Variants in XKR9 observed in about 807,000 individuals in gnomAD.
XKR9 encodes the protein XK-related protein 9.
XKR9 carries 32 observed loss-of-function variants against 32.0 expected under a neutral mutation model. The ratio of observed to expected loss-of-function variants is 1.00; its 90% CI spans 0.76 to 1.34. The LOEUF is 1.34. XKR9 is among the 40% of genes most tolerant of loss of function. The pLI is 0.00. For synonymous variants in XKR9, 168 were observed against 143.4 expected (o/e 1.17, Z -1.22); for missense variants, 546 against 429.7 (o/e 1.27, Z -2.39).
the XKR9 span, among the ~76,000 whole-genome samples, chr8:70,901,481 C>A: frequency 0.11 from 17,441 of 152,126 alleles, 1,189 homozygotes; most frequent in African/African-American, 0.19. Context: ...CTGTTCATAT[C>A]CTTCACCCAC....
intron 3 of XKR9, among the ~76,000 whole-genome samples, chr8:70,688,526 T>C (rs1819388783): frequency 6.6e-6 from 1 of 152,058 alleles, no homozygotes. Flanking sequence ...ATGCCATTCT[T>C]CTGCCTCAGC....
At chr8:71,017,370 T>A in the XKR9 span, among the ~76,000 whole-genome samples, 1 of 152,202 alleles carries the variant, frequency 6.6e-6, no homozygotes, top group Non-Finnish European at 1.5e-5. Flanking sequence ...GACGTTCTGC[T>A]TATTGTTTGA....
the XKR9 span, among the ~76,000 whole-genome samples, chr8:70,885,357 T>G: frequency 6.6e-6 from 1 of 152,200 alleles, no homozygotes; most frequent in Non-Finnish European, 1.5e-5. Flanking sequence ...TGATTATTAA[T>G]AAAACTACTA....
the XKR9 span, among the ~76,000 whole-genome samples, chr8:70,937,378 GC>G: frequency 6.6e-6 from 1 of 151,812 alleles, no homozygotes; most frequent in Admixed American, 6.6e-5. Context: ...ATTCATGTGG[GC>G]CCACCCAGAC....
chr8:70,773,275 A>G (rs1226855257), intron 2 of XKR9, among the ~76,000 whole-genome samples: 1 of 152,206 alleles, frequency 6.6e-6, no homozygotes, highest in Non-Finnish European at 1.5e-5. Flanking sequence ...ACAGATATGG[A>G]TATGCAGGGA....
intron 2 of XKR9, among the ~76,000 whole-genome samples, chr8:70,765,852 T>C (rs1807368318): frequency 6.6e-6 from 1 of 152,222 alleles, no homozygotes; most frequent in Admixed American, 6.5e-5. Flanking sequence ...GCACCATTTA[T>C]TAAATAGGGA....
chr8:70,925,556 A>G, the XKR9 span, among the ~76,000 whole-genome samples: 3 of 152,236 alleles, frequency 2.0e-5, no homozygotes, highest in Non-Finnish European at 4.4e-5. Context: ...TATTCTTGAT[A>G]TAATAAATTT....
At chr8:71,014,475 C>G in the XKR9 span, among the ~76,000 whole-genome samples, 1 of 152,140 alleles carries the variant, frequency 6.6e-6, no homozygotes, top group Admixed American at 6.5e-5. Flanking sequence ...CTGCATGAAT[C>G]TAATTTTTGG....
At position 70,681,234 on chromosome 8, in the gene XKR9, G is replaced by T; in HGVS notation, c.176G>T (p.Ser59Ile). ...GGAACACTTGTGGCTCAGTGTTTTA[G>T]TTATTCTTGGTTCAAGGCTGATTTA... Reference protein sequence around the residue: ...LFGTLVAQCFSYSWFKADLKK... With the variant: ...LFGTLVAQCFIYSWFKADLKK... The change falls in exon 3 of 5, where the codon AGT (serine) becomes ATT (isoleucine). Residue 59 changes from serine (S) to isoleucine (I), a missense_variant. Physicochemically the swap from Ser to Ile is moderately radical, Grantham distance 142. Transcript: ENST00000408926. 1 of 1,613,460 alleles carries T rather than the reference G, an allele frequency of 6.2e-7. No homozygotes were observed. Among genetic ancestry groups the T allele is most frequent in the Non-Finnish European group, 8.5e-7 (1 of 1,179,584 alleles).
At chr8:71,057,740 A>C in the XKR9 span, among the ~76,000 whole-genome samples, 1 of 152,162 alleles carries the variant, frequency 6.6e-6, no homozygotes, top group Non-Finnish European at 1.5e-5. Flanking sequence ...TTGGTGGTAC[A>C]TCCTATTAGC....
the XKR9 span, among the ~76,000 whole-genome samples, chr8:70,911,615 T>C: frequency 1.3e-5 from 2 of 152,172 alleles, no homozygotes; most frequent in African/African-American, 4.8e-5. Flanking sequence ...AGTGGCGGAA[T>C]AAGACATTGT....
chr8:70,699,376 T>G (rs1486545622), intron 3 of XKR9, among the ~76,000 whole-genome samples: 4 of 152,138 alleles, frequency 2.6e-5, no homozygotes, highest in Admixed American at 6.6e-5. Context: ...AGGGCAGGCC[T>G]GGTGGTGACA....
chr8:70,806,644 G>T, the XKR9 span, among the ~76,000 whole-genome samples: 1 of 152,140 alleles, frequency 6.6e-6, no homozygotes. Flanking sequence ...TAGCTGAATT[G>T]ACTGAGCAGA....
At chr8:71,059,684 C>T in the XKR9 span, among the ~76,000 whole-genome samples, 1 of 152,184 alleles carries the variant, frequency 6.6e-6, no homozygotes, top group Admixed American at 6.5e-5. Flanking sequence ...TCTCTGCTTC[C>T]ACTCCCCGCC....
At chr8:70,765,364 T>G (rs1210540052) in intron 2 of XKR9, among the ~76,000 whole-genome samples, 1 of 152,240 alleles carries the variant, frequency 6.6e-6, no homozygotes, top group African/African-American at 2.4e-5. Flanking sequence ...CTTTTTATCA[T>G]GTTTGTTGGC....
chr8:70,675,458 TTCTC>T (rs369723216), intron 2 of XKR9, among the ~76,000 whole-genome samples: 14 of 152,174 alleles, frequency 9.2e-5, no homozygotes, highest in African/African-American at 3.1e-4. Context: ...AGCTTTTTCT[TTCTC>T]TCTCACCTGG....
the XKR9 span, among the ~76,000 whole-genome samples, chr8:70,903,794 C>T: frequency 2.0e-5 from 3 of 152,100 alleles, no homozygotes; most frequent in African/African-American, 7.2e-5. Context: ...AAATTTCACT[C>T]TACACACTGC....
chr8:70,783,411 A>T (rs928772628), intron 2 of XKR9, among the ~76,000 whole-genome samples: 1 of 152,016 alleles, frequency 6.6e-6, no homozygotes, highest in Admixed American at 6.6e-5. Flanking sequence ...TATTTTTAGT[A>T]GAGATGGGGT....
At chr8:70,973,810 C>T in the XKR9 span, among the ~76,000 whole-genome samples, 1 of 152,150 alleles carries the variant, frequency 6.6e-6, no homozygotes, top group Admixed American at 6.6e-5. Context: ...TTTTATTCCA[C>T]TGTCGTTGGA....
Sources: allele counts gnomAD v4.1 joint callset (sites outside exome capture counted in the v4.1 genomes callset), GRCh38; gene constraint gnomAD v4.1.1; transcripts MANE v1.5; gene names NCBI Gene and HGNC (gene_info 2026-07-23, HGNC 2026-07-21).